Variants in CACNA1H observed in about 807,000 individuals in gnomAD.
The protein encoded by CACNA1H is calcium voltage-gated channel subunit alpha1 H.
In CACNA1H, 149 loss-of-function variants were observed where a neutral mutation model predicts 192.5. The ratio of observed to expected loss-of-function variants is 0.77; its 90% confidence interval spans 0.68 to 0.89. The LOEUF is 0.89. Ranked by LOEUF, CACNA1H falls within the 40% of genes least tolerant of loss-of-function variation. The pLI is 0.00. For synonymous variants in CACNA1H, 2,202 were observed against 1,475.2 expected, an observed-to-expected ratio of 1.49 and a Z score of -11.29; for missense variants, 4,257 against 3,423.5, an observed-to-expected ratio of 1.24 and a Z score of -6.08.
At chr16:1,202,539 T>C (rs947261089) in intron 9 of CACNA1H, 87 bp downstream of exon 9, 75 of 1,198,080 alleles carry the variant, frequency 6.3e-5, no homozygotes, top group Non-Finnish European at 7.9e-5. Context: ...CCACACCCAT[T>C]GTGGGCACTC....
intron 11 of CACNA1H, 23 bp downstream of exon 11, chr16:1,205,288 G>A: frequency 3.8e-6 from 6 of 1,583,162 alleles, no homozygotes; most frequent in Non-Finnish European, 4.3e-6. Context: ...CCTCTCCCCA[G>A]GAAGAGGGGC....
intron 5 of CACNA1H, 52 bp downstream of exon 5, chr16:1,196,075 C>T: frequency 7.1e-7 from 1 of 1,409,750 alleles, no homozygotes; most frequent in Non-Finnish European, 1.0e-6. Flanking sequence ...GCGTGTCCGC[C>T]AGCCCTGCAG....
At chr16:1,168,754 T>C (rs1285693510) in intron 2 of CACNA1H, among the ~76,000 whole-genome samples, 1 of 152,034 alleles carries the variant, frequency 6.6e-6, no homozygotes. Flanking sequence ...TGCCTTGTCC[T>C]AGGGGGATCA....
At chr16:1,210,348 T>TCACCCCCCCCCCCCCCCCC in intron 18 of CACNA1H, 22 bp from the exon 19 acceptor site, 2 of 277,476 alleles carry the variant, frequency 7.2e-6, no homozygotes, top group Non-Finnish European at 1.3e-5. Flanking sequence ...GCCCCACCTC[T>TCACCCCCCCCCCCCCCCCC]CACCCGCCCC....
At chr16:1,213,366 C>T (rs1465936865) in intron 26 of CACNA1H, among the ~76,000 whole-genome samples, 3 of 151,996 alleles carry the variant, frequency 2.0e-5, no homozygotes, top group South Asian at 2.1e-4. Flanking sequence ...CCACGTGCTG[C>T]GCCAACTTGG....
rs199736210 is a variant in CACNA1H, at chr16:1,210,603, C to G, written c.3990C>G (p.Val1330=). Residue 1330 remains valine, a synonymous_variant, in exon 20 of 35, where the codon GTC becomes GTG. Coordinates refer to ENST00000348261, the MANE Select transcript of CACNA1H (RefSeq NM_021098.3). ...PGSTERVFLS[V]SNYIFTAIFV... ...GGCAGGAGCGGGTCTTCCTCAGCGTCTCCAATTACATCTTCACGGCCATCT... is the reference window on the plus strand; with the variant it reads ...GGCAGGAGCGGGTCTTCCTCAGCGTGTCCAATTACATCTTCACGGCCATCT... The G allele has an allele frequency of 6.5e-5, 104 of 1,608,160 alleles. No homozygotes were observed. The highest frequency in any genetic ancestry group is 3.3e-4 in the Middle Eastern group (2 of 6,084).
chr16:1,196,473 G>A (rs1485821412), intron 5 of CACNA1H, among the ~76,000 whole-genome samples: 2 of 152,192 alleles, frequency 1.3e-5, no homozygotes, highest in Non-Finnish European at 2.9e-5. Context: ...CAAGTGAGGG[G>A]AGAGCCTGAC....
At chr16:1,153,586 CG>C (rs938470303) in intron 1 of CACNA1H, 116 bp downstream of exon 1, 6 of 334,272 alleles carry the variant, frequency 1.8e-5, no homozygotes, top group South Asian at 1.9e-4. Context: ...CGGGCGGGGG[CG>C]GGGGGCGCGT....
chr16:1,194,526 G>A lies in CACNA1H; in HGVS notation c.300-446G>A, dbSNP rs116448790. On this transcript the variant is annotated intron_variant, in intron 2 of 34. Transcript: ENST00000348261. ...CCGGTGGGTTGCATGGCGGTGCCCCGACATTCCCCCTGCCCTGGGGCCCTC... is the reference window on the plus strand; with the variant it reads ...CCGGTGGGTTGCATGGCGGTGCCCCAACATTCCCCCTGCCCTGGGGCCCTC... 7.4e-3 allele frequency among the ~76,000 whole-genome samples: 1,129 copies of A among 152,264 alleles called. 10 individuals carry two copies. Among genetic ancestry groups the A allele is most frequent in the East Asian group, 0.032 (166 of 5,176 alleles).
rs1379672193 is a variant in CACNA1H, at chr16:1,211,260, C to G, written c.4316C>G (p.Ala1439Gly). Residue 1439 changes from alanine (A) to glycine (G), a missense_variant, in exon 22 of 35, where the codon GCC (alanine) becomes GGC (glycine). Ala to Gly is a moderately conservative substitution (Grantham distance 60). Coordinates refer to ENST00000348261, the MANE Select transcript of CACNA1H (RefSeq NM_021098.3). ...GGGAACATCGTCCTCATCTGCTGCG[C>G]CTTCTTCATCATTTTTGGCATTTTG... ...PIGNIVLICC[A>G]FFIIFGILGV... The G allele has an allele frequency of 5.0e-6, 8 of 1,613,036 alleles. No individual in the cohort carries two copies. Among genetic ancestry groups the G allele is most frequent in the Non-Finnish European group, 5.9e-6 (7 of 1,179,778 alleles).
rs532163394 is a variant in CACNA1H at position 1,205,394 on chromosome 16, G to A, written c.2603+129G>A. On this transcript the variant is annotated intron_variant, in intron 11 of 34. Transcript: ENST00000348261. ...CGATAGCTCTTTATGACAGGCCGTGGGAAGCAGGTGCTTGGTGACCCCAGT... is the reference window on the plus strand; with the variant it reads ...CGATAGCTCTTTATGACAGGCCGTGAGAAGCAGGTGCTTGGTGACCCCAGT... 8.7e-5 allele frequency: 90 copies of A among 1,032,632 alleles called. 1 individual carries two copies. The South Asian group carries it at 1.4e-3, about 16-fold the overall frequency. The allele number at this position is 1,032,632 out of a possible 1,614,324, so 64.0% of individuals were successfully genotyped here. A position where few individuals can be genotyped will look rare whatever the true frequency, so the allele number is the denominator to read the frequency against.
chr16:1,215,775 C>T (rs564168258), intron 30 of CACNA1H, among the ~76,000 whole-genome samples, 182 bp downstream of exon 30: 238 of 152,284 alleles, frequency 1.6e-3, no homozygotes, highest in Non-Finnish European at 2.8e-3. Context: ...TGGATCCAGC[C>T]GCTGCCCTCT....
rs1012851509 is a variant in CACNA1H, at chr16:1,169,613, C to G, written c.299+15577C>G. On this transcript the variant is annotated intron_variant, in intron 2 of 34. Coordinates refer to ENST00000348261, the MANE Select transcript of CACNA1H (RefSeq NM_021098.3). ...CGTGCTTTCGCCTCCGCCCATCAGC[C>G]GGCTCCCGGGCTCCCGGTGCTTCCC... Among the ~76,000 whole-genome samples the G allele has an allele frequency of 9.2e-5, 14 of 152,364 alleles. No homozygotes were observed. In the South Asian group the frequency reaches 2.1e-3, roughly 23 times the overall value.
At chr16:1,211,692 A>G (rs1364138418) in intron 23 of CACNA1H, 24 bp from the exon 24 acceptor site, 5 of 1,612,306 alleles carry the variant, frequency 3.1e-6, no homozygotes, top group African/African-American at 2.7e-5. Flanking sequence ...AACCCTCGCC[A>G]GTGACCCTGG....
intron 2 of CACNA1H, among the ~76,000 whole-genome samples, chr16:1,184,197 G>T (rs1407714648): frequency 6.6e-6 from 1 of 152,230 alleles, no homozygotes; most frequent in Non-Finnish European, 1.5e-5. Context: ...CCAGCCTGCC[G>T]CATGCATGGG....
rs1968337510 is a variant in CACNA1H at position 1,204,007 on chromosome 16, C to T, written c.2003-3C>T. 1 of 1,536,326 alleles carries T rather than the reference C, an allele frequency of 6.5e-7. No homozygotes were observed. Among genetic ancestry groups the T allele is most frequent in the Non-Finnish European group, 8.8e-7 (1 of 1,140,420 alleles). ...CTGCCCCTGTCTGTGCCCTCTCCCG[C>T]AGGACTGGGCCAGGCCCCTGGCCAT... On this transcript the variant is annotated splice_polypyrimidine_tract_variant and splice_region_variant and intron_variant, in intron 9 of 34. Transcript: ENST00000348261.
intron 2 of CACNA1H, among the ~76,000 whole-genome samples, chr16:1,192,334 G>C (rs113044445): frequency 0.026 from 3,658 of 141,396 alleles, 146 homozygotes; most frequent in African/African-American, 0.085. Context: ...GGCACTGGGT[G>C]CCACCCACCC....
intron 8 of CACNA1H, among the ~76,000 whole-genome samples, 200 bp from the exon 9 acceptor site, chr16:1,201,463 A>C (rs1015205592): frequency 1.3e-5 from 2 of 152,162 alleles, no homozygotes; most frequent in Non-Finnish European, 2.9e-5. Flanking sequence ...CCAGATAGGC[A>C]CAAAGCAGCT....
In CACNA1H at chr16:1,215,274, T is replaced by C; in HGVS notation, c.5072T>C (p.Leu1691Pro). The change falls in exon 29 of 35, where the codon CTG becomes CCG. Residue 1691 changes from leucine to proline, a missense_variant. Coordinates refer to ENST00000348261, the MANE Select transcript of CACNA1H (RefSeq NM_021098.3). ...WNQLDLAIVL[L>P]SLMGITLEEI... Reference sequence around the variant, plus strand: ...CAGCTGGACCTGGCCATCGTGCTGCTGTCACTCATGGGCATCACGCTGGAG... The same window carrying C: ...CAGCTGGACCTGGCCATCGTGCTGCCGTCACTCATGGGCATCACGCTGGAG... 1 of 1,607,512 alleles carries C rather than the reference T, an allele frequency of 6.2e-7. No individual in the cohort carries two copies. Among genetic ancestry groups the C allele is most frequent in the Non-Finnish European group, 8.5e-7 (1 of 1,177,410 alleles).
Sources: allele counts gnomAD v4.1 joint callset (sites outside exome capture counted in the v4.1 genomes callset), GRCh38; gene constraint gnomAD v4.1.1; transcripts MANE v1.5; gene names NCBI Gene and HGNC (gene_info 2026-07-23, HGNC 2026-07-21).